DST: variants seen among roughly 807,000 people sequenced by gnomAD.
DST encodes dystonin.
Under a neutral mutation model 875.2 loss-of-function variants are expected in DST, and 253 were observed. The ratio of observed to expected loss-of-function variants is 0.29; its 90% confidence interval spans 0.26 to 0.32. The LOEUF (loss-of-function observed/expected upper bound fraction) is 0.32, where lower values mean the gene tolerates loss of function less well. DST is among the 10% of genes least tolerant of loss of function. The pLI, the probability that DST is intolerant of heterozygous loss-of-function variation, is 1.00. For synonymous variants in DST, 3,124 were observed against 3,197.1 expected (o/e 0.98, Z 0.77); for missense variants, 8,287 against 9,111.6 (o/e 0.91, Z 3.68).
At chr6:56,616,327 C>T (rs201669951) in intron 36 of DST, 20 of 1,613,692 alleles carry the variant, frequency 1.2e-5, no homozygotes, top group African/African-American at 5.3e-5. Flanking sequence ...ATTCAAAAAA[C>T]ATAGCTTCCT....
chr6:56,656,098 T>C (rs1319643012), intron 10 of DST, among the ~76,000 whole-genome samples: 1 of 152,244 alleles, frequency 6.6e-6, no homozygotes, highest in African/African-American at 2.4e-5. Flanking sequence ...TCCTTTTCTT[T>C]TCACTAATTT....
chr6:56,664,408 C>A (rs2099061432), intron 10 of DST, among the ~76,000 whole-genome samples: 1 of 152,198 alleles, frequency 6.6e-6, no homozygotes, highest in South Asian at 2.1e-4. Context: ...CCTCGGCAAA[C>A]CCTTAAATAA....
Position 56,618,156 on chromosome 6 carries a change from A to G in DST, c.4930-3672T>C, listed in dbSNP as rs1286562659. 5.6e-6 allele frequency: 9 copies of G among 1,614,028 alleles called. No individual in the cohort carries two copies. The highest frequency in any genetic ancestry group is 7.6e-6 in the Non-Finnish European group (9 of 1,180,024). On this transcript the variant is annotated intron_variant, in intron 36 of 103. Transcript: ENST00000680361. ...ATCTGTAACTCGGTGCTTGTCTGAG[A>G]AAAGTACTCAGAGTAACACTGCTGG...
At chr6:56,611,222 C>G (rs895648865) in intron 38 of DST, among the ~76,000 whole-genome samples, 1 of 152,120 alleles carries the variant, frequency 6.6e-6, no homozygotes, top group African/African-American at 2.4e-5. Flanking sequence ...TAAGACTTGA[C>G]TCGGAGTCTG....
intron 83 of DST, 55 bp downstream of exon 83, chr6:56,493,955 C>A: frequency 7.1e-7 from 1 of 1,400,024 alleles, no homozygotes. Flanking sequence ...AAGGCCAAGT[C>A]CAAGACATGA....
At chr6:56,679,059 T>C (rs1253593378) in intron 9 of DST, among the ~76,000 whole-genome samples, 1 of 152,158 alleles carries the variant, frequency 6.6e-6, no homozygotes, top group Non-Finnish European at 1.5e-5. Context: ...TATCAATCTG[T>C]CTTTTGTTGT....
Position 56,606,551 on chromosome 6 carries a change from TA to T in DST, c.8076del (p.Met2693TrpfsTer8). ...KNKAHCLQDFLMDVEKDELDS... is the reference protein window; with the variant it reads ...KNKAHCLQDFXMDVEKDELDS... ...TCTAATTCATCTTTCTCAACATCCA[TA>T]AGGAAATCCTGAAGACAATGTGCTT... On this transcript the variant is annotated frameshift_variant, in exon 40 of 104. Coordinates refer to ENST00000680361, the MANE Select transcript of DST (RefSeq NM_001374736.1). LOFTEE classifies it high-confidence loss of function. 6.2e-7 allele frequency: 1 copy of T among 1,613,512 alleles called. No homozygotes were observed. The highest frequency in any genetic ancestry group is 8.5e-7 in the Non-Finnish European group (1 of 1,179,590).
Position 56,555,503 on chromosome 6 carries a change from A to C in DST, c.14978T>G (p.Met4993Arg), listed in dbSNP as rs778801519. Residue 4993 changes from methionine (M) to arginine (R), a missense_variant, in exon 60 of 104, where the codon ATG becomes AGG. Physicochemically the swap from Met to Arg is moderately conservative, Grantham distance 91 (BLOSUM62 -1). Around this residue, in one of 10 missense-constraint regions of DST, gnomAD observed 1,513 missense variants for 1,677.8 expected, o/e 0.90. Coordinates refer to ENST00000680361, the MANE Select transcript of DST (RefSeq NM_001374736.1). ...CTTTTCCTGCTGTATCTCCTGCTTC[A>C]TTTTTTGGGCTGTTTCCAACTGTTG... ...MNQQLETAQK[M>R]KQEIQQEKKQ... 2 of 1,613,684 alleles carry C rather than the reference A, an allele frequency of 1.2e-6. No homozygotes were observed. Among genetic ancestry groups the C allele is most frequent in the South Asian group, 1.1e-5 (1 of 91,068 alleles).
At chr6:56,829,465 C>G (rs2099784540) in intron 4 of DST, among the ~76,000 whole-genome samples, 1 of 152,062 alleles carries the variant, frequency 6.6e-6, no homozygotes, top group African/African-American at 2.4e-5. Flanking sequence ...AAGCCTAGCA[C>G]AAGTAATGAA....
intron 9 of DST, among the ~76,000 whole-genome samples, chr6:56,697,067 G>C (rs745506744): frequency 2.0e-5 from 3 of 152,056 alleles, no homozygotes; most frequent in Non-Finnish European, 2.9e-5. Context: ...AGAGGCACAG[G>C]ATATCCCACC....
intron 98 of DST, among the ~76,000 whole-genome samples, chr6:56,468,731 T>C (rs759898591): frequency 1.6e-4 from 25 of 152,174 alleles, no homozygotes; most frequent in Non-Finnish European, 3.4e-4. Flanking sequence ...ATTCGTAACA[T>C]TGTAGCAAGC....
chr6:56,517,418 A>T, intron 70 of DST, 83 bp downstream of exon 70: 2 of 1,596,706 alleles, frequency 1.3e-6, no homozygotes, highest in South Asian at 2.2e-5. Flanking sequence ...GGGTCTTAAA[A>T]AGTAAATCAT....
chr6:56,634,741 T>C, intron 25 of DST, 60 bp downstream of exon 25: 3 of 1,603,904 alleles, frequency 1.9e-6, no homozygotes, highest in Non-Finnish European at 8.5e-7. Flanking sequence ...CAATATGATC[T>C]CATTTACAAA....
At chr6:56,493,663 C>G (rs1246696542) in intron 83 of DST, among the ~76,000 whole-genome samples, 1 of 152,010 alleles carries the variant, frequency 6.6e-6, no homozygotes, top group Non-Finnish European at 1.5e-5. Context: ...CTTTCCCTCT[C>G]TCCCTCACCC....
At chr6:56,863,245 G>A (rs1484296326) in intron 3 of DST, 2 of 152,154 alleles carry the variant, frequency 1.3e-5, no homozygotes, top group African/African-American at 4.8e-5. Flanking sequence ...GAGAGCAAAG[G>A]TGTATAAACC....
At position 56,472,104 on chromosome 6, in the gene DST, C is replaced by A; in HGVS notation, c.22113G>T (p.Leu7371Phe). The change falls in exon 94 of 104, where the codon TTG (leucine) becomes TTT (phenylalanine). Residue 7371 changes from leucine (L) to phenylalanine (F), a missense_variant. Physicochemically the swap from Leu to Phe is conservative, Grantham distance 22. Transcript: ENST00000680361. ...CATCATTGAGTTTCCTCCTTCTTTC[C>A]AACGCCAGGAGCCAGACTTGCTGCC... ...SKWQQVWLLALERRRKLNDAL... is the reference protein window; with the variant it reads ...SKWQQVWLLAFERRRKLNDAL... 1 of 1,613,928 alleles carries A rather than the reference C, an allele frequency of 6.2e-7. No homozygotes were observed. Among genetic ancestry groups the A allele is most frequent in the Non-Finnish European group, 8.5e-7 (1 of 1,179,854 alleles).
chr6:56,648,469 G>A (rs1243427546), intron 13 of DST, 101 bp downstream of exon 13: 2 of 1,219,470 alleles, frequency 1.6e-6, no homozygotes, highest in African/African-American at 3.1e-5. Context: ...GGCTTTCCAA[G>A]GGCAACTTTT....
chr6:56,723,751 G>T (rs1003923722), intron 5 of DST, among the ~76,000 whole-genome samples: 2 of 152,178 alleles, frequency 1.3e-5, no homozygotes, highest in African/African-American at 4.8e-5. Context: ...TTTGACAAAA[G>T]ATTCCAAGAC....
intron 85 of DST, among the ~76,000 whole-genome samples, chr6:56,491,194 A>G (rs1432167638): frequency 6.6e-6 from 1 of 152,190 alleles, no homozygotes; most frequent in African/African-American, 2.4e-5. Context: ...GTGTAATGCT[A>G]TAACAATGCA....
Sources: allele counts gnomAD v4.1 joint callset (sites outside exome capture counted in the v4.1 genomes callset), GRCh38; gene constraint gnomAD v4.1.1; regional missense constraint gnomAD v4.1.1; transcripts MANE v1.5; gene names NCBI Gene and HGNC (gene_info 2026-07-23, HGNC 2026-07-21).